The following IMPG2 variants were observed in gnomAD, a reference collection of about 807,000 sequenced individuals.
IMPG2 encodes the protein IPM 200.
A neutral mutation model predicts 129.2 loss-of-function variants in IMPG2; 91 were observed. The ratio of observed to expected loss-of-function variants is 0.70; its 90% CI spans 0.59 to 0.84. The LOEUF (loss-of-function observed/expected upper bound fraction) is 0.84, where lower values mean the gene tolerates loss of function less well. Among genes scored for constraint, IMPG2 ranks in the 40% least tolerant of loss-of-function variants. The pLI is 0.00. For synonymous variants in IMPG2, 510 were observed against 517.7 expected (o/e 0.99, Z 0.20); for missense variants, 1,430 against 1,461.7 (o/e 0.98, Z 0.35).
chr3:101,231,500 G>C (rs1477701661), intron 15 of IMPG2, among the ~76,000 whole-genome samples: 2 of 152,210 alleles, frequency 1.3e-5, no homozygotes, highest in African/African-American at 4.8e-5. Flanking sequence ...GCAGAACTGG[G>C]CCTAGAACCC....
Position 101,225,038 on chromosome 3 carries a change from T to A in IMPG2, c.*1931A>T, listed in dbSNP as rs1162280612. 2.0e-5 allele frequency: 3 copies of A among 152,164 alleles called. No homozygotes were observed. The highest frequency in any genetic ancestry group is 7.2e-5 in the African/African-American group (3 of 41,428). 9.4% of individuals were successfully genotyped at this position (152,164 alleles called of 1,614,324 possible). On this transcript the variant is annotated 3_prime_UTR_variant, in exon 19 of 19. Transcript: ENST00000193391. ...TTCCAGCAAGCACACATTCAAAGAG[T>A]TGCATTCTAAGGTTAATTTGTGATA...
chr3:101,264,610 T>C lies in IMPG2; in HGVS notation c.908+2901A>G, dbSNP rs139035550. Among the ~76,000 whole-genome samples the C allele has an allele frequency of 3.5e-3, 538 of 152,112 alleles. 3 individuals carry two copies. Among genetic ancestry groups the C allele is most frequent in the African/African-American group, 0.013 (523 of 41,508 alleles). ...TAACATCATACTGCATGGGGAAAAG[T>C]TGGAAGCATTTCCTCCAAGAACTGG... On this transcript the variant is annotated intron_variant, in intron 9 of 18. Coordinates refer to ENST00000193391, the MANE Select transcript of IMPG2 (RefSeq NM_016247.4).
chr3:101,292,989 A>G (rs988479273), intron 3 of IMPG2, among the ~76,000 whole-genome samples: 1 of 152,154 alleles, frequency 6.6e-6, no homozygotes, highest in Admixed American at 6.6e-5. Context: ...TTCTCTTGCT[A>G]TTTCCACCAC....
intron 15 of IMPG2, 150 bp downstream of exon 15, chr3:101,232,631 C>G: frequency 1.5e-6 from 1 of 675,590 alleles, no homozygotes; most frequent in African/African-American, 1.8e-5. Context: ...CTCATCCTCA[C>G]ATGACAGTTA....
rs1261292300 is a variant in IMPG2, at chr3:101,244,257, C to T, written c.2074G>A (p.Asp692Asn). 1.9e-6 allele frequency: 3 copies of T among 1,614,002 alleles called. No individual in the cohort carries two copies. Among genetic ancestry groups the T allele is most frequent in the Non-Finnish European group, 2.5e-6 (3 of 1,179,992 alleles). The stretch of plus-strand genomic sequence containing the variant: ...AGAGACGCAGATTCAGCTGCAGTAT[C>T]TGCGAAGATGGGCACAGCAGGCCCA... Reference protein sequence around the residue: ...LSGPAVPIFADTAAESASLTL... With the variant: ...LSGPAVPIFANTAAESASLTL... Residue 692 changes from aspartate (D) to asparagine (N), a missense_variant, in exon 13 of 19, where the codon GAT (aspartate) becomes AAT (asparagine). Transcript: ENST00000193391.
chr3:101,301,495 C>A (rs936987264), intron 3 of IMPG2, among the ~76,000 whole-genome samples: 2 of 152,220 alleles, frequency 1.3e-5, no homozygotes, highest in African/African-American at 4.8e-5. Flanking sequence ...GCATCCCAGA[C>A]CCCTATCCTT....
At chr3:101,251,921 A>G (rs1706548577) in intron 11 of IMPG2, among the ~76,000 whole-genome samples, 1 of 152,186 alleles carries the variant, frequency 6.6e-6, no homozygotes, top group Non-Finnish European at 1.5e-5. Flanking sequence ...TTAAAAAGAA[A>G]GTAGTAACTA....
rs141608965 is a variant in IMPG2 at position 101,318,857 on chromosome 3, C to T, written c.334+727G>A. On this transcript the variant is annotated intron_variant, in intron 2 of 18. Transcript: ENST00000193391. ...AGCAATTTAGTAAATATATGAGAAA[C>T]AGAATTGACTTACATAAAAAGTATG... Among the ~76,000 whole-genome samples the T allele has an allele frequency of 8.5e-3, 1,288 of 151,994 alleles. 5 individuals are homozygous for T. The highest frequency in any genetic ancestry group is 0.013 in the Non-Finnish European group (876 of 67,966).
intron 4 of IMPG2, among the ~76,000 whole-genome samples, chr3:101,279,722 G>A (rs767922030): frequency 9.9e-5 from 15 of 152,178 alleles, no homozygotes; most frequent in Admixed American, 5.9e-4. Context: ...TCAAATTTAC[G>A]CTAATTCTCT....
chr3:101,273,457 A>C (rs1706808537), intron 7 of IMPG2, 124 bp downstream of exon 7: 1 of 956,646 alleles, frequency 1.0e-6, no homozygotes, highest in South Asian at 1.6e-5. Flanking sequence ...TGGCTAAGTA[A>C]CCACTCCAGG....
intron 16 of IMPG2, among the ~76,000 whole-genome samples, chr3:101,229,929 A>G (rs1001097566): frequency 6.6e-6 from 1 of 152,346 alleles, no homozygotes; most frequent in East Asian, 1.9e-4. Flanking sequence ...AGTTATACAC[A>G]TTGAAAATCA....
chr3:101,277,373 T>C lies in IMPG2; in HGVS notation c.534-660A>G, dbSNP rs528829301. On this transcript the variant is annotated intron_variant, in intron 4 of 18. Coordinates refer to ENST00000193391, the MANE Select transcript of IMPG2 (RefSeq NM_016247.4). The stretch of plus-strand genomic sequence containing the variant: ...ATATATTTTGGGGATAAATGAATAC[T>C]ATGTGCCAGGCAATGTAGAAGGTAC... Among the ~76,000 whole-genome samples the C allele has an allele frequency of 1.1e-4, 17 of 152,346 alleles. No homozygotes were observed. The South Asian group carries it at 3.3e-3, about 30-fold the overall frequency.
chr3:101,279,189 T>A (rs1416034824), intron 4 of IMPG2, among the ~76,000 whole-genome samples: 2 of 152,238 alleles, frequency 1.3e-5, no homozygotes, highest in Non-Finnish European at 2.9e-5. Flanking sequence ...CTAACTTTAC[T>A]GAGCCCTCAT....
chr3:101,257,920 A>G (rs1395614923), intron 9 of IMPG2, 147 bp from the exon 10 acceptor site: 49 of 881,074 alleles, frequency 5.6e-5, no homozygotes, highest in Non-Finnish European at 1.3e-5. Flanking sequence ...AGCCTGGACA[A>G]CATTTTGCCA....
chr3:101,277,541 C>T (rs934480208), intron 4 of IMPG2, among the ~76,000 whole-genome samples: 10 of 152,194 alleles, frequency 6.6e-5, no homozygotes, highest in Admixed American at 1.3e-4. Context: ...CATAAAACCA[C>T]ACACCTGATC....
intron 3 of IMPG2, among the ~76,000 whole-genome samples, chr3:101,294,400 T>A (rs1176215352): frequency 6.6e-6 from 1 of 152,232 alleles, no homozygotes; most frequent in Non-Finnish European, 1.5e-5. Flanking sequence ...GCTTCATCCA[T>A]GTCTCTGCAA....
chr3:101,293,589 C>T (rs140062950), intron 3 of IMPG2, among the ~76,000 whole-genome samples: 65 of 152,270 alleles, frequency 4.3e-4, no homozygotes, highest in Middle Eastern at 6.8e-3. Context: ...AAGTCACTAG[C>T]TGCATTATCC....
At chr3:101,256,794 T>A (rs1281647299) in intron 10 of IMPG2, among the ~76,000 whole-genome samples, 1 of 152,102 alleles carries the variant, frequency 6.6e-6, no homozygotes, top group Non-Finnish European at 1.5e-5. Context: ...AAAGCTAAGT[T>A]ACCGATGAGT....
chr3:101,244,905 C>T (rs777939772), intron 12 of IMPG2, 118 bp from the exon 13 acceptor site: 188 of 857,052 alleles, frequency 2.2e-4, no homozygotes, highest in Non-Finnish European at 3.1e-4. Context: ...CAATTGTTGA[C>T]TTTTGCTTTT....
Sources: allele counts gnomAD v4.1 joint callset (sites outside exome capture counted in the v4.1 genomes callset), GRCh38; gene constraint gnomAD v4.1.1; transcripts MANE v1.5; gene names NCBI Gene and HGNC (gene_info 2026-07-23, HGNC 2026-07-21).